The following ENTPD6 variants were observed in gnomAD, a reference collection of about 807,000 sequenced individuals.
ENTPD6 encodes the protein ectonucleoside triphosphate diphosphohydrolase 6, also known as CD39 antigen-like 2.
In ENTPD6, 46 loss-of-function variants were observed where a neutral mutation model predicts 61.5. The observed-to-expected ratio is 0.75, with a 90% CI of 0.59 to 0.96. ENTPD6 has a LOEUF of 0.96. ENTPD6 is among the 40% of genes least tolerant of loss of function. ENTPD6 has a pLI of 0.00. For missense variants in ENTPD6, 612 were observed against 629.0 expected (o/e 0.97, Z 0.29); for synonymous variants, 252 against 255.5 (o/e 0.99, Z 0.13).
At chr20:25,215,633 C>T in intron 6 of ENTPD6, 43 bp from the exon 7 acceptor site, 1 of 1,607,462 alleles carries the variant, frequency 6.2e-7, no homozygotes, top group Non-Finnish European at 8.5e-7. Context: ...ATGCTTTCAG[C>T]ATCTCAAGTG....
At chr20:25,213,573 T>G (rs1175885610) in intron 5 of ENTPD6, among the ~76,000 whole-genome samples, 167 bp downstream of exon 5, 1 of 152,250 alleles carries the variant, frequency 6.6e-6, no homozygotes, top group South Asian at 2.1e-4. Flanking sequence ...CAGATGATGC[T>G]TTGTTCCTTG....
intron 1 of ENTPD6, among the ~76,000 whole-genome samples, chr20:25,204,149 T>C (rs2091270978): frequency 6.6e-6 from 1 of 152,242 alleles, no homozygotes; most frequent in South Asian, 2.1e-4. Flanking sequence ...GATTCTGGAA[T>C]TGGGGTTTGG....
At position 25,207,672 on chromosome 20, in the gene ENTPD6, A is replaced by G. The variant is rs2091624577; in HGVS notation, c.376+275A>G. On this transcript the variant is annotated intron_variant, in intron 3 of 14. Transcript: ENST00000376652. ...ACATTCACCAGCAGGTCAGGTGGCT[A>G]GGACCATGATTTAGGCCAGTGGTTG... Among the ~76,000 whole-genome samples, 3 of 152,216 alleles carry G rather than the reference A, an allele frequency of 2.0e-5. No homozygotes were observed. The South Asian group carries it at 6.2e-4, about 32-fold the overall frequency.
Position 25,226,736 on chromosome 20 carries a change from T to G in ENTPD6, c.*1139T>G, listed in dbSNP as rs2123448603. The G allele has an allele frequency of 6.6e-6, 1 of 152,456 alleles. No individual in the cohort carries two copies. The highest frequency in any genetic ancestry group is 2.1e-4 in the South Asian group (1 of 4,826). 9.4% of individuals were successfully genotyped at this position (152,456 alleles called of 1,614,324 possible). A position where few individuals can be genotyped will look rare whatever the true frequency, so the allele number is the denominator to read the frequency against. On this transcript the variant is annotated 3_prime_UTR_variant, in exon 15 of 15. Coordinates refer to ENST00000376652, the MANE Select transcript of ENTPD6 (RefSeq NM_001247.5). ...GGGGCTTCTCCTTCTCTGGGATTCCTCTCGTTGAGCGACAGTAGCATTTGC... is the reference window on the plus strand; with the variant it reads ...GGGGCTTCTCCTTCTCTGGGATTCCGCTCGTTGAGCGACAGTAGCATTTGC...
intron 1 of ENTPD6, among the ~76,000 whole-genome samples, chr20:25,200,212 C>T (rs956551408): frequency 2.6e-5 from 4 of 152,154 alleles, no homozygotes; most frequent in African/African-American, 9.7e-5. Context: ...ATTTTGCTAA[C>T]GATTCATGAT....
In ENTPD6 at chr20:25,214,900, G is replaced by A; in HGVS notation, c.631G>A (p.Val211Ile). 6.2e-7 allele frequency: 1 copy of A among 1,606,642 alleles called. No individual in the cohort carries two copies. Among genetic ancestry groups the A allele is most frequent in the Non-Finnish European group, 8.5e-7 (1 of 1,173,228 alleles). ...KKVFKASPFL[V>I]GDDCVSIMNG... ...AGTATTTAAAGCATCGCCTTTCCTT[G>A]TAGGGGATGACTGTGTTTCCATCAT... Residue 211 changes from valine (V) to isoleucine (I), a missense_variant, in exon 6 of 15, where the codon GTA (valine) becomes ATA (isoleucine). Transcript: ENST00000376652.
At chr20:25,216,861 A>T (rs771665862) in intron 8 of ENTPD6, 125 bp downstream of exon 8, 136 of 647,644 alleles carry the variant, frequency 2.1e-4, no homozygotes, top group Non-Finnish European at 3.2e-4. Flanking sequence ...AGGTCTCTGG[A>T]CCCCTGCGGT....
intron 7 of ENTPD6, among the ~76,000 whole-genome samples, chr20:25,216,121 T>C (rs2092302156): frequency 6.6e-6 from 1 of 152,244 alleles, no homozygotes; most frequent in South Asian, 2.1e-4. Context: ...CAGAAACATC[T>C]GTTTTTAGAA....
intron 12 of ENTPD6, chr20:25,223,878 G>A (rs2092716318): frequency 4.9e-6 from 2 of 408,546 alleles, no homozygotes; most frequent in Non-Finnish European, 8.8e-6. Flanking sequence ...CTGCAGGGTT[G>A]GGTTGTGGGG....
At position 25,222,942 on chromosome 20, in the gene ENTPD6, TA is replaced by T. The variant is rs1311521927; in HGVS notation, c.1151del (p.Tyr384SerfsTer12). The part of the protein sequence containing the change: ...VKHVDFYAFS[Y>X]YYDLAAGVGL... ...GCATGTGGACTTCTATGCTTTCTCCTACTATTACGACCTTGCAGCTGGTGTG... is the reference window on the plus strand; with the variant it reads ...GCATGTGGACTTCTATGCTTTCTCCTCTATTACGACCTTGCAGCTGGTGTG... On this transcript the variant is annotated frameshift_variant, in exon 12 of 15. Coordinates refer to ENST00000376652, the MANE Select transcript of ENTPD6 (RefSeq NM_001247.5). LOFTEE classifies it high-confidence loss of function. The T allele has an allele frequency of 1.2e-6, 2 of 1,612,886 alleles. No homozygotes were observed. The highest frequency in any genetic ancestry group is 2.2e-5 in the South Asian group (2 of 91,066).
intron 3 of ENTPD6, among the ~76,000 whole-genome samples, chr20:25,209,477 G>T (rs1191895747): frequency 6.6e-6 from 1 of 151,908 alleles, no homozygotes; most frequent in Non-Finnish European, 1.5e-5. Flanking sequence ...CAGCTACTCA[G>T]GAGGCTGAGA....
chr20:25,215,829 G>A, intron 7 of ENTPD6, 118 bp downstream of exon 7: 1 of 1,120,584 alleles, frequency 8.9e-7, no homozygotes. Flanking sequence ...CTCAGGGTTT[G>A]GCAGTGTTGC....
chr20:25,221,300 G>A lies in ENTPD6; in HGVS notation c.1012G>A (p.Glu338Lys). 1 of 1,614,202 alleles carries A rather than the reference G, an allele frequency of 6.2e-7. No homozygotes were observed. The change falls in exon 11 of 15, where the codon GAA becomes AAA. Residue 338 changes from glutamate (E) to lysine (K), a missense_variant. Glu to Lys is a moderately conservative substitution (Grantham distance 56, BLOSUM62 1). Transcript: ENST00000376652. ...PSFKGEWEHA[E>K]VTYRVSGQKA... is the part of the protein sequence containing the mutation. ...TTTCAAAGGAGAGTGGGAACACGCA[G>A]AAGTCACGTACAGGGTTTCAGGGCA...
At position 25,221,312 on chromosome 20, in the gene ENTPD6, A is replaced by G; in HGVS notation, c.1024A>G (p.Arg342Gly). The G allele has an allele frequency of 6.2e-7, 1 of 1,614,168 alleles. No homozygotes were observed. Among genetic ancestry groups the G allele is most frequent in the South Asian group, 1.1e-5 (1 of 91,076 alleles). Reference protein sequence around the residue: ...GEWEHAEVTYRVSGQKAAASL... With the variant: ...GEWEHAEVTYGVSGQKAAASL... ...GTGGGAACACGCAGAAGTCACGTACAGGGTTTCAGGGCAGAAAGCAGGTAC... is the reference window on the plus strand; with the variant it reads ...GTGGGAACACGCAGAAGTCACGTACGGGGTTTCAGGGCAGAAAGCAGGTAC... The change falls in exon 11 of 15, where the codon AGG becomes GGG. Residue 342 changes from arginine to glycine, a missense_variant. By Grantham distance (125) the Arg-to-Gly change is moderately radical (BLOSUM62 -2). Coordinates refer to ENST00000376652, the MANE Select transcript of ENTPD6 (RefSeq NM_001247.5).
At chr20:25,214,355 C>T (rs931523599) in intron 5 of ENTPD6, among the ~76,000 whole-genome samples, 13 of 152,338 alleles carry the variant, frequency 8.5e-5, no homozygotes, top group Admixed American at 5.9e-4. Context: ...AAATACCCCC[C>T]GAGGCCAGGG....
chr20:25,195,828 G>A lies in ENTPD6; in HGVS notation c.-55G>A, dbSNP rs995798100. The A allele has an allele frequency of 7.3e-6, 9 of 1,240,202 alleles. No homozygotes were observed. The highest frequency in any genetic ancestry group is 9.1e-6 in the Non-Finnish European group (9 of 988,868). The allele number at this position is 1,240,202 out of a possible 1,614,324, so 76.8% of individuals were successfully genotyped here. On this transcript the variant is annotated 5_prime_UTR_variant, in exon 1 of 15. Transcript: ENST00000376652. ...GCTGCCGCCTGCTCCCCGGAAAAGG[G>A]CACTCGTCTCCGTGGGTGTGGCGGA...
intron 2 of ENTPD6, 40 bp from the exon 3 acceptor site, chr20:25,207,036 C>A: frequency 6.4e-7 from 1 of 1,557,416 alleles, no homozygotes; most frequent in South Asian, 1.2e-5. Context: ...GATCCTAGCA[C>A]CCTAACGTGC....
rs2090323262 is a variant in ENTPD6, at chr20:25,195,855, C to G, written c.-28C>G. Reference sequence around the variant, plus strand: ...ACTCGTCTCCGTGGGTGTGGCGGAGCGCGCGGTGCATGGTAAGCGGCGGGC... The same window carrying G: ...ACTCGTCTCCGTGGGTGTGGCGGAGGGCGCGGTGCATGGTAAGCGGCGGGC... On this transcript the variant is annotated 5_prime_UTR_variant, in exon 1 of 15. Transcript: ENST00000376652. 2 of 1,237,712 alleles carry G rather than the reference C, an allele frequency of 1.6e-6. No homozygotes were observed. The highest frequency in any genetic ancestry group is 3.2e-5 in the East Asian group (1 of 31,682). 76.7% of individuals were successfully genotyped at this position (1,237,712 alleles called of 1,614,324 possible).
chr20:25,215,212 A>G (rs1356697879), intron 6 of ENTPD6, among the ~76,000 whole-genome samples: 1 of 152,238 alleles, frequency 6.6e-6, no homozygotes, highest in Non-Finnish European at 1.5e-5. Context: ...TTCTAAAAAC[A>G]TTGTGTTTTT....
Sources: allele counts gnomAD v4.1 joint callset (sites outside exome capture counted in the v4.1 genomes callset), GRCh38; gene constraint gnomAD v4.1.1; transcripts MANE v1.5; gene names NCBI Gene and HGNC (gene_info 2026-07-23, HGNC 2026-07-21).